Variants in ART3 observed in about 807,000 individuals in gnomAD.
The protein encoded by ART3 is ADP-ribosyltransferase 3 (inactive), also known as ecto-ADP-ribosyltransferase 3.
ART3 carries 49 observed loss-of-function variants against 48.5 expected under a neutral mutation model. That is an observed-to-expected ratio of 1.01 (90% CI 0.80 to 1.28). The LOEUF (loss-of-function observed/expected upper bound fraction) is 1.28. ART3 is among the 50% of genes most tolerant of loss of function. The pLI, the probability that ART3 is intolerant of heterozygous loss-of-function variation, is 0.00. For synonymous variants in ART3, 145 were observed against 157.2 expected, an observed-to-expected ratio of 0.92 and a Z score of 0.58; for missense variants, 438 against 454.3, an observed-to-expected ratio of 0.96 and a Z score of 0.33.
At chr4:76,020,832 T>C (rs1732733872) in intron 1 of ART3, among the ~76,000 whole-genome samples, 1 of 151,808 alleles carries the variant, frequency 6.6e-6, no homozygotes, top group African/African-American at 2.4e-5. Flanking sequence ...CCGGCTTGGG[T>C]GACAGAGGAA....
At chr4:76,068,968 T>C (rs1720023413) in intron 1 of ART3, among the ~76,000 whole-genome samples, 1 of 152,246 alleles carries the variant, frequency 6.6e-6, no homozygotes, top group African/African-American at 2.4e-5. Context: ...ATAGTTTTTA[T>C]TGTGTGTACA....
chr4:76,024,761 T>C (rs1733215690), intron 1 of ART3, among the ~76,000 whole-genome samples: 1 of 152,156 alleles, frequency 6.6e-6, no homozygotes. Flanking sequence ...ATATGGGAGT[T>C]CTTTTCATAG....
intron 1 of ART3, among the ~76,000 whole-genome samples, chr4:76,064,316 A>G (rs1719504069): frequency 6.6e-6 from 1 of 152,258 alleles, no homozygotes; most frequent in South Asian, 2.1e-4. Flanking sequence ...GGAAAAATAA[A>G]AAATTTTAGT....
chr4:76,041,970 A>G (rs1735015906), intron 1 of ART3, among the ~76,000 whole-genome samples: 1 of 152,176 alleles, frequency 6.6e-6, no homozygotes, highest in Admixed American at 6.5e-5. Flanking sequence ...TGTTCTTAGC[A>G]GTGTTGGCCT....
chr4:76,030,080 A>AG (rs1382972845), intron 1 of ART3, among the ~76,000 whole-genome samples: 1 of 152,098 alleles, frequency 6.6e-6, no homozygotes, highest in African/African-American at 2.4e-5. Context: ...TCTGAGATGG[A>AG]GTCTCGCTCT....
At chr4:76,097,561 G>T in intron 3 of ART3, 83 bp from the exon 4 acceptor site, 1 of 1,192,660 alleles carries the variant, frequency 8.4e-7, no homozygotes, top group Non-Finnish European at 1.2e-6. Flanking sequence ...TGACAGATTA[G>T]GTTACCAACA....
intron 2 of ART3, among the ~76,000 whole-genome samples, chr4:76,076,450 A>T (rs1721103984): frequency 2.0e-5 from 3 of 152,228 alleles, no homozygotes; most frequent in Admixed American, 2.0e-4. Context: ...AGTTGAAAAA[A>T]TTAAAATTAA....
chr4:76,021,841 A>G, intron 1 of ART3: 3 of 1,254,236 alleles, frequency 2.4e-6, no homozygotes, highest in Admixed American at 3.4e-5. Context: ...ATGGCTTGAC[A>G]TATACTCCAT....
chr4:76,061,468 C>G (rs1270952151), intron 1 of ART3, among the ~76,000 whole-genome samples: 1 of 152,332 alleles, frequency 6.6e-6, no homozygotes, highest in East Asian at 1.9e-4. Flanking sequence ...AACACATCTT[C>G]CTGCCTCTTG....
chr4:76,061,193 G>A (rs1719181779), intron 1 of ART3, among the ~76,000 whole-genome samples: 1 of 152,122 alleles, frequency 6.6e-6, no homozygotes. Flanking sequence ...GTATCTGGCT[G>A]GAACCTCAAA....
chr4:76,103,087 G>A (rs1197275501), intron 8 of ART3, among the ~76,000 whole-genome samples: 1 of 151,906 alleles, frequency 6.6e-6, no homozygotes, highest in East Asian at 1.9e-4. Context: ...CAAGCTGATG[G>A]CATTTTTTTA....
intron 3 of ART3, among the ~76,000 whole-genome samples, chr4:76,093,233 G>GC (rs1327935143): frequency 6.6e-6 from 1 of 152,080 alleles, no homozygotes; most frequent in African/African-American, 2.4e-5. Context: ...ACCAGCCTGG[G>GC]CAACATAGCG....
intron 1 of ART3, among the ~76,000 whole-genome samples, chr4:76,015,596 A>G (rs755700234): frequency 1.3e-5 from 2 of 152,240 alleles, no homozygotes; most frequent in Non-Finnish European, 2.9e-5. Context: ...TAAATGAATT[A>G]AGCTCTGGCC....
At chr4:76,076,074 G>A in intron 2 of ART3, 116 bp downstream of exon 2, 2 of 853,458 alleles carry the variant, frequency 2.3e-6, no homozygotes, top group South Asian at 1.8e-5. Flanking sequence ...GCTCGATTTC[G>A]GCTCACTGCA....
At chr4:76,099,905 T>C (rs1726887481) in intron 5 of ART3, among the ~76,000 whole-genome samples, 1 of 152,260 alleles carries the variant, frequency 6.6e-6, no homozygotes, top group Non-Finnish European at 1.5e-5. Flanking sequence ...CCTGTCCTGA[T>C]AGAAGTGAAG....
chr4:76,066,369 T>C (rs1023989598), intron 1 of ART3, among the ~76,000 whole-genome samples: 8 of 151,986 alleles, frequency 5.3e-5, no homozygotes, highest in African/African-American at 1.9e-4. Context: ...AGACCCACAG[T>C]GGGTAGCTCC....
At chr4:76,051,895 TC>T (rs61033721) in intron 1 of ART3, among the ~76,000 whole-genome samples, 5,998 of 68,818 alleles carry the variant, frequency 0.087, 549 homozygotes, top group African/African-American at 0.18. Context: ...TCTCTCTCTC[TC>T]TCTTTTTTTT....
At chr4:76,026,129 C>G (rs1261367966) in intron 1 of ART3, among the ~76,000 whole-genome samples, 1 of 151,636 alleles carries the variant, frequency 6.6e-6, no homozygotes, top group African/African-American at 2.4e-5. Context: ...CATACACTGG[C>G]AATTTTCTCC....
In ART3 at chr4:76,112,577, G is replaced by A. The variant is rs1729694882; in HGVS notation, c.*58G>A. 1 of 1,501,504 alleles carries A rather than the reference G, an allele frequency of 6.7e-7. No homozygotes were observed. The highest frequency in any genetic ancestry group is 9.0e-7 in the Non-Finnish European group (1 of 1,115,918). The allele number at this position is 1,501,504 out of a possible 1,614,324, so 93.0% of individuals were successfully genotyped here. On this transcript the variant is annotated 3_prime_UTR_variant, in exon 12 of 12. Coordinates refer to ENST00000355810, the MANE Select transcript of ART3 (RefSeq NM_001130016.3). ...CTTGAAATAACTATAGGGATCCACA[G>A]GAGATCAAAAGGAATGATGTATTTT... is the stretch of plus-strand genomic sequence containing the variant.
Sources: gnomAD v4.1 joint callset for allele counts (sites outside exome capture counted in the v4.1 genomes callset) on GRCh38, gnomAD v4.1.1 for gene constraint, MANE v1.5 for transcripts, NCBI Gene and HGNC (gene_info 2026-07-23, HGNC 2026-07-21) for gene names.